Variants in TNIP3 observed in about 807,000 individuals in gnomAD.
The protein encoded by TNIP3 is TNFAIP3 interacting protein 3, also known as TNFAIP3-interacting protein 3.
A neutral mutation model predicts 54.1 loss-of-function variants in TNIP3; 34 were observed. The observed-to-expected ratio is 0.63, with a 90% CI of 0.48 to 0.84. The LOEUF (loss-of-function observed/expected upper bound fraction) is 0.84, where lower values mean the gene tolerates loss of function less well. Ranked by LOEUF, TNIP3 falls within the 40% of genes least tolerant of loss-of-function variation. The pLI, the probability that TNIP3 is intolerant of heterozygous loss-of-function variation, is 0.00. For synonymous variants in TNIP3, 134 were observed against 136.8 expected, an observed-to-expected ratio of 0.98 and a Z score of 0.14; for missense variants, 366 against 387.6, an observed-to-expected ratio of 0.94 and a Z score of 0.47.
upstream of TNIP3, among the ~76,000 whole-genome samples, chr4:121,218,731 C>G (rs955090510): frequency 1.3e-5 from 2 of 151,630 alleles, no homozygotes; most frequent in Admixed American, 1.3e-4. Context: ...CACTATAGTT[C>G]TGAACTCTTG....
intron 3 of TNIP3, among the ~76,000 whole-genome samples, chr4:121,170,397 G>C (rs540235768): frequency 1.6e-4 from 24 of 152,222 alleles, no homozygotes; most frequent in African/African-American, 5.5e-4. Context: ...ATGACCACGG[G>C]GATACACAAA....
intron 3 of TNIP3, among the ~76,000 whole-genome samples, 198 bp downstream of exon 3, chr4:121,158,489 T>A (rs527404462): frequency 3.3e-5 from 5 of 152,302 alleles, no homozygotes; most frequent in East Asian, 3.9e-4. Flanking sequence ...TAGCTATTGC[T>A]CAAGACAACT....
intron 1 of TNIP3, among the ~76,000 whole-genome samples, chr4:121,225,357 G>A (rs1317135697): frequency 6.6e-6 from 1 of 152,080 alleles, no homozygotes; most frequent in Non-Finnish European, 1.5e-5. Flanking sequence ...ATTTAATCTT[G>A]GTCATGTTTT....
chr4:121,174,711 T>G (rs1457891172), intron 3 of TNIP3, among the ~76,000 whole-genome samples: 1 of 152,206 alleles, frequency 6.6e-6, no homozygotes. Context: ...TTTTTGCTAC[T>G]TATTCTAGAG....
At chr4:121,162,584 TC>T (rs1396227188) in intron 1 of TNIP3, among the ~76,000 whole-genome samples, 1 of 152,174 alleles carries the variant, frequency 6.6e-6, no homozygotes, top group Non-Finnish European at 1.5e-5. Flanking sequence ...GCATCTTTGA[TC>T]TGGAAAATGC....
chr4:121,194,188 T>C (rs1725447228), intron 2 of TNIP3, among the ~76,000 whole-genome samples: 1 of 152,160 alleles, frequency 6.6e-6, no homozygotes, highest in African/African-American at 2.4e-5. Context: ...AATCATCCAG[T>C]GGTACCTTTT....
intron 2 of TNIP3, among the ~76,000 whole-genome samples, chr4:121,184,244 A>T (rs942997020): frequency 6.6e-6 from 1 of 152,090 alleles, no homozygotes; most frequent in South Asian, 2.1e-4. Flanking sequence ...TACTTCTCAA[A>T]GTTGTCTCCA....
At chr4:121,150,557 C>T (rs1579391744) in intron 5 of TNIP3, among the ~76,000 whole-genome samples, 1 of 152,078 alleles carries the variant, frequency 6.6e-6, no homozygotes, top group East Asian at 1.9e-4. Flanking sequence ...AAATGTATAC[C>T]CTTTCAATGA....
chr4:121,168,449 T>G (rs1730886020), upstream of TNIP3, among the ~76,000 whole-genome samples: 2 of 152,034 alleles, frequency 1.3e-5, no homozygotes, highest in South Asian at 2.1e-4. Flanking sequence ...TCCACCCGCC[T>G]CGGCCTCCCA....
intron 2 of TNIP3, among the ~76,000 whole-genome samples, chr4:121,208,087 C>T (rs1352016269): frequency 1.3e-5 from 2 of 152,110 alleles, no homozygotes; most frequent in African/African-American, 4.8e-5. Flanking sequence ...AACTGTAAGT[C>T]CAATTAAACT....
At chr4:121,132,743 G>T (rs1728546957) in intron 10 of TNIP3, 81 bp from the exon 11 acceptor site, 5 of 1,212,068 alleles carry the variant, frequency 4.1e-6, no homozygotes, top group South Asian at 1.3e-5. Context: ...CTGACATAAA[G>T]TTCCAGGATG....
At chr4:121,154,391 G>T in intron 5 of TNIP3, 160 bp downstream of exon 5, 1 of 911,076 alleles carries the variant, frequency 1.1e-6, no homozygotes, top group Non-Finnish European at 1.7e-6. Context: ...ATGACTGAAA[G>T]CTGCAGCTAG....
chr4:121,154,379 G>T, intron 5 of TNIP3, 172 bp downstream of exon 5: 1 of 806,770 alleles, frequency 1.2e-6, no homozygotes, highest in Non-Finnish European at 1.9e-6. Flanking sequence ...CCTTAGCCAA[G>T]TATGACTGAA....
rs1347301693 is a variant in TNIP3, at chr4:121,182,926, T to C, written c.69-130A>G. The C allele has an allele frequency of 9.0e-6, 8 of 887,564 alleles. No homozygotes were observed. In the Admixed American group the frequency reaches 1.6e-4, roughly 18 times the overall value. 55.0% of individuals were successfully genotyped at this position (887,564 alleles called of 1,614,324 possible). On this transcript the variant is annotated intron_variant, in intron 2 of 12. Coordinates refer to the TNIP3 transcript ENST00000507879. ...TACTTCTCTACGATCTCCCAAACTC[T>C]AATCTCATTATGTTTTCATTAGTCC...
intron 3 of TNIP3, among the ~76,000 whole-genome samples, chr4:121,178,927 T>TA (rs1724521757): frequency 6.6e-6 from 1 of 151,992 alleles, no homozygotes; most frequent in Admixed American, 6.6e-5. Context: ...TAAGTGATCA[T>TA]AAAAACAAAA....
At chr4:121,161,403 T>C (rs1399297361) in intron 1 of TNIP3, among the ~76,000 whole-genome samples, 187 bp from the exon 2 acceptor site, 1 of 152,188 alleles carries the variant, frequency 6.6e-6, no homozygotes, top group African/African-American at 2.4e-5. Context: ...GTCAGCTTCA[T>C]ATTATGTTTT....
chr4:121,199,412 G>T (rs1725765470), intron 2 of TNIP3, among the ~76,000 whole-genome samples: 1 of 152,166 alleles, frequency 6.6e-6, no homozygotes, highest in Admixed American at 6.5e-5. Flanking sequence ...ATATTACTAT[G>T]TTTCTAGCCC....
chr4:121,133,824 T>C (rs990562364), intron 10 of TNIP3, among the ~76,000 whole-genome samples: 7 of 152,038 alleles, frequency 4.6e-5, no homozygotes, highest in Admixed American at 1.3e-4. Context: ...TGGACACAGA[T>C]GGAAGATGGT....
intron 2 of TNIP3, among the ~76,000 whole-genome samples, chr4:121,211,847 T>C (rs886443958): frequency 6.6e-6 from 1 of 152,222 alleles, no homozygotes; most frequent in Non-Finnish European, 1.5e-5. Context: ...TTCATTCAGC[T>C]GGCTGCAGGT....
Sources: gnomAD v4.1 joint callset for allele counts (sites outside exome capture counted in the v4.1 genomes callset) on GRCh38, gnomAD v4.1.1 for gene constraint, MANE v1.5 for transcripts, NCBI Gene and HGNC (gene_info 2026-07-23, HGNC 2026-07-21) for gene names.